NRG3: variants seen among roughly 807,000 people sequenced by gnomAD.
NRG3 encodes neuregulin 3, also known as pro-neuregulin-3, membrane-bound isoform.
NRG3 carries 31 observed loss-of-function variants against 66.9 expected under a neutral mutation model. That is an observed-to-expected ratio of 0.46 (90% CI 0.35 to 0.63). The LOEUF (loss-of-function observed/expected upper bound fraction) is 0.63, where lower values mean the gene tolerates loss of function less well. Ranked by LOEUF, NRG3 falls within the 20% of genes least tolerant of loss-of-function variation. The probability of loss-of-function intolerance (pLI) is 0.00; values close to 1 mark genes in which losing one functional copy is unlikely to be tolerated. For synonymous variants in NRG3, 393 were observed against 359.4 expected (o/e 1.09, Z -1.06); for missense variants, 910 against 878.9 (o/e 1.04, Z -0.45).
chr10:82,016,499 T>C (rs1484170233), intron 1 of NRG3, among the ~76,000 whole-genome samples: 1 of 151,434 alleles, frequency 6.6e-6, no homozygotes, highest in African/African-American at 2.4e-5. Context: ...TAAGGCTCAA[T>C]GAGGAAGGGC....
At chr10:82,122,237 T>A (rs2068135626) in intron 1 of NRG3, among the ~76,000 whole-genome samples, 1 of 152,206 alleles carries the variant, frequency 6.6e-6, no homozygotes, top group Non-Finnish European at 1.5e-5. Context: ...TCTGTGGTTC[T>A]TATACCAAAC....
intron 2 of NRG3, among the ~76,000 whole-genome samples, chr10:82,713,362 A>G (rs1268582263): frequency 1.3e-5 from 2 of 152,112 alleles, no homozygotes; most frequent in African/African-American, 2.4e-5. Flanking sequence ...TGTTGCAGTA[A>G]TACAGACAAG....
chr10:82,438,430 G>C (rs2090256496), intron 2 of NRG3, among the ~76,000 whole-genome samples: 2 of 152,242 alleles, frequency 1.3e-5, no homozygotes, highest in Admixed American at 6.5e-5. Flanking sequence ...GCCTGGAGCT[G>C]TAGAAATGGG....
intron 2 of NRG3, among the ~76,000 whole-genome samples, chr10:82,529,254 C>T (rs573337874): frequency 1.3e-5 from 2 of 152,192 alleles, no homozygotes; most frequent in African/African-American, 4.8e-5. Context: ...GTAGAGGCAT[C>T]GGGCTTGTTG....
chr10:81,941,809 G>T (rs530882292), intron 1 of NRG3, among the ~76,000 whole-genome samples: 1 of 152,064 alleles, frequency 6.6e-6, no homozygotes, highest in African/African-American at 2.4e-5. Context: ...ACATACTGTG[G>T]GTCAAACTTT....
chr10:82,478,821 G>T (rs966826301), intron 2 of NRG3, among the ~76,000 whole-genome samples: 2 of 152,152 alleles, frequency 1.3e-5, no homozygotes, highest in African/African-American at 4.8e-5. Context: ...CAATAGACAA[G>T]AACCTGCTAA....
At chr10:82,379,295 A>G (rs2085458325) in intron 2 of NRG3, among the ~76,000 whole-genome samples, 1 of 152,056 alleles carries the variant, frequency 6.6e-6, no homozygotes, top group Non-Finnish European at 1.5e-5. Context: ...TTACATTTTC[A>G]TTGCCTGAAA....
intron 1 of NRG3, among the ~76,000 whole-genome samples, chr10:82,278,157 T>G (rs1303782358): frequency 2.0e-5 from 3 of 152,102 alleles, no homozygotes; most frequent in African/African-American, 4.8e-5. Flanking sequence ...CGATTTACAC[T>G]AAAATTAGCT....
intron 2 of NRG3, among the ~76,000 whole-genome samples, chr10:82,660,441 C>G (rs2052267234): frequency 6.6e-6 from 1 of 151,926 alleles, no homozygotes; most frequent in Non-Finnish European, 1.5e-5. Context: ...TTTGAAATGT[C>G]TAATGCATAG....
At position 82,310,492 on chromosome 10, in the gene NRG3, A is replaced by G. The variant is rs2134962973; in HGVS notation, c.824-48247A>G. On this transcript the variant is annotated intron_variant, in intron 1 of 8. Coordinates refer to ENST00000372141, the MANE Select transcript of NRG3 (RefSeq NM_001010848.4). The stretch of plus-strand genomic sequence containing the variant: ...AAGTAGTCTGGAGATTTCAACTTTC[A>G]TTCAAACAAAATTGAAAGAAAATGA... Among the ~76,000 whole-genome samples the G allele has an allele frequency of 2.0e-5, 3 of 152,350 alleles. No individual in the cohort carries two copies. In the Middle Eastern group the frequency reaches 0.01, roughly 518 times the overall value.
At chr10:82,481,215 C>T (rs1213521401) in intron 2 of NRG3, among the ~76,000 whole-genome samples, 1 of 152,194 alleles carries the variant, frequency 6.6e-6, no homozygotes, top group African/African-American at 2.4e-5. Context: ...TATTTAACTG[C>T]GTTATGACTT....
rs1052865389 is a variant in NRG3, at chr10:81,949,458, G to C, written c.823+73295G>C. Among the ~76,000 whole-genome samples, 11 of 152,064 alleles carry C rather than the reference G, an allele frequency of 7.2e-5. No individual in the cohort carries two copies. In the East Asian group the frequency reaches 1.9e-3, roughly 27 times the overall value. On this transcript the variant is annotated intron_variant, in intron 1 of 8. Coordinates refer to ENST00000372141, the MANE Select transcript of NRG3 (RefSeq NM_001010848.4). ...AGCCCTGCTTAAGGGCATAGCCACC[G>C]TCACCTTGTTTAGGAACTGTCAGAT... is the stretch of plus-strand genomic sequence containing the variant.
At chr10:82,178,337 T>A (rs1306862722) in intron 1 of NRG3, among the ~76,000 whole-genome samples, 1 of 152,118 alleles carries the variant, frequency 6.6e-6, no homozygotes, top group African/African-American at 2.4e-5. Flanking sequence ...AGTTTTTCAT[T>A]TTATGTGACT....
chr10:82,788,165 A>C (rs2060445971), intron 3 of NRG3, among the ~76,000 whole-genome samples: 1 of 152,188 alleles, frequency 6.6e-6, no homozygotes, highest in South Asian at 2.1e-4. Context: ...TTTTTTGAGA[A>C]GTAGAGCAAC....
At chr10:82,639,092 T>C (rs923665278) in intron 2 of NRG3, among the ~76,000 whole-genome samples, 2 of 152,222 alleles carry the variant, frequency 1.3e-5, no homozygotes, top group African/African-American at 4.8e-5. Context: ...TCTTTATGTA[T>C]GAAGGCTTTA....
At position 82,468,652 on chromosome 10, in the gene NRG3, A is replaced by C. The variant is rs73305824; in HGVS notation, c.953+109784A>C. Among the ~76,000 whole-genome samples, 850 of 152,296 alleles carry C rather than the reference A, an allele frequency of 5.6e-3. 7 individuals carry two copies. Among genetic ancestry groups the C allele is most frequent in the African/African-American group, 0.02 (819 of 41,560 alleles). On this transcript the variant is annotated intron_variant, in intron 2 of 8. Transcript: ENST00000372141. ...AGAGAATTATGTGAGGAGGGTGTTG[A>C]ATTACATCTAGGAATAGAATAGTCT...
Position 82,751,840 on chromosome 10 carries a change from G to C in NRG3, c.1027+13190G>C, listed in dbSNP as rs78916487. On this transcript the variant is annotated intron_variant, in intron 3 of 8. Coordinates refer to ENST00000372141, the MANE Select transcript of NRG3 (RefSeq NM_001010848.4). Reference sequence around the variant, plus strand: ...TGTTCCTTAAATATCTATTGCTATAGTTCCAAATACAATCCTCAGACTATG... The same window carrying C: ...TGTTCCTTAAATATCTATTGCTATACTTCCAAATACAATCCTCAGACTATG... 1.1e-3 allele frequency among the ~76,000 whole-genome samples: 170 copies of C among 152,230 alleles called. 1 individual carries two copies. The East Asian group carries it at 0.03, about 27-fold the overall frequency.
At chr10:82,545,840 T>A (rs1160741705) in intron 2 of NRG3, among the ~76,000 whole-genome samples, 49 of 137,336 alleles carry the variant, frequency 3.6e-4, no homozygotes, top group African/African-American at 1.3e-3. Context: ...CAGGCTGGAG[T>A]GCAGTGGCAC....
At chr10:82,357,622 AG>A (rs2083864114) in intron 1 of NRG3, among the ~76,000 whole-genome samples, 1 of 152,172 alleles carries the variant, frequency 6.6e-6, no homozygotes, top group South Asian at 2.1e-4. Flanking sequence ...ATGTCAACTC[AG>A]TCCTTCTTTC....
Sources: gnomAD v4.1 joint callset for allele counts (sites outside exome capture counted in the v4.1 genomes callset) on GRCh38, gnomAD v4.1.1 for gene constraint, MANE v1.5 for transcripts, NCBI Gene and HGNC (gene_info 2026-07-23, HGNC 2026-07-21) for gene names.